GALNT13: variants seen among roughly 807,000 people sequenced by gnomAD.
The protein encoded by GALNT13 is UDP-GalNAc:polypeptide N-acetylgalactosaminyltransferase 13.
In GALNT13, 28 loss-of-function variants were observed where a neutral mutation model predicts 64.2. The ratio of observed to expected loss-of-function variants is 0.44; its 90% CI spans 0.32 to 0.60. The LOEUF is 0.60. Ranked by LOEUF, GALNT13 falls within the 20% of genes least tolerant of loss-of-function variation. The pLI is 0.05. For missense variants in GALNT13, 577 were observed against 669.8 expected, an observed-to-expected ratio of 0.86 and a Z score of 1.53; for synonymous variants, 214 against 224.6, an observed-to-expected ratio of 0.95 and a Z score of 0.42.
At chr2:153,637,442 A>G in the GALNT13 span, among the ~76,000 whole-genome samples, 1 of 151,906 alleles carries the variant, frequency 6.6e-6, no homozygotes, top group Admixed American at 6.6e-5. Flanking sequence ...GTTATTCTTC[A>G]TCTACATTTT....
chr2:154,289,915 C>A (rs527824125), intron 8 of GALNT13, among the ~76,000 whole-genome samples: 13 of 152,208 alleles, frequency 8.5e-5, no homozygotes, highest in Non-Finnish European at 1.3e-4. Context: ...TCAGAATGCT[C>A]ACTTTGAGTC....
chr2:153,871,247 A>G (rs538575032), upstream of GALNT13, among the ~76,000 whole-genome samples: 1 of 152,124 alleles, frequency 6.6e-6, no homozygotes, highest in Non-Finnish European at 1.5e-5. Context: ...TTTTTTCTTT[A>G]CCTCTTCATA....
At chr2:153,844,610 T>G in the GALNT13 span, among the ~76,000 whole-genome samples, 1 of 152,220 alleles carries the variant, frequency 6.6e-6, no homozygotes, top group Non-Finnish European at 1.5e-5. Flanking sequence ...AACAAGTGGT[T>G]GCTTTATAGC....
intron 2 of GALNT13, among the ~76,000 whole-genome samples, chr2:153,908,982 G>T (rs145029640): frequency 1.4e-3 from 218 of 152,094 alleles, no homozygotes; most frequent in African/African-American, 4.8e-3. Context: ...ATTGCTTTGG[G>T]CAGTATGGCC....
rs67387315 is a variant in GALNT13 at position 154,269,906 on chromosome 2, G to GTATATATATATATATATATATATA, written c.975+10787_975+10788insATATATATATATATATATATATAT. On this transcript the variant is annotated intron_variant, in intron 8 of 12. Coordinates refer to ENST00000392825, the MANE Select transcript of GALNT13 (RefSeq NM_052917.4). ...GTCATATATATATTTATATATATGTGTATATATATATATATATATTTCTAA... is the reference window on the plus strand; with the variant it reads ...GTCATATATATATTTATATATATGTGTATATATATATATATATATATATATATATATATATATATATATTTCTAA... Among the ~76,000 whole-genome samples the GTATATATATATATATATATATATA allele has an allele frequency of 5.9e-3, 575 of 96,696 alleles. 34 individuals are homozygous for GTATATATATATATATATATATATA. Among genetic ancestry groups the GTATATATATATATATATATATATA allele is most frequent in the East Asian group, 0.021 (43 of 2,094 alleles). The allele number at this position is 96,696 out of a possible 152,430, so 63.4% of individuals were successfully genotyped here.
chr2:153,253,862 C>CAT, the GALNT13 span, among the ~76,000 whole-genome samples: 2 of 152,054 alleles, frequency 1.3e-5, no homozygotes, highest in Non-Finnish European at 2.9e-5. Flanking sequence ...CTGCTGGATT[C>CAT]GGTTTGCCAG....
At chr2:153,522,641 T>C in the GALNT13 span, among the ~76,000 whole-genome samples, 1 of 152,196 alleles carries the variant, frequency 6.6e-6, no homozygotes, top group African/African-American at 2.4e-5. Context: ...CAGGTACTTA[T>C]TTTCCATGTG....
the GALNT13 span, among the ~76,000 whole-genome samples, chr2:153,358,950 A>G: frequency 3.0e-3 from 454 of 152,316 alleles, 17 homozygotes; most frequent in East Asian, 0.08. Flanking sequence ...ATACAAAAAA[A>G]TATTTTGGAT....
chr2:153,247,051 G>A, the GALNT13 span, among the ~76,000 whole-genome samples: 3 of 151,856 alleles, frequency 2.0e-5, no homozygotes, highest in Non-Finnish European at 4.4e-5. Flanking sequence ...AATAAAAAAA[G>A]CATTACATAA....
At chr2:153,401,132 T>C in the GALNT13 span, among the ~76,000 whole-genome samples, 1 of 152,206 alleles carries the variant, frequency 6.6e-6, no homozygotes, top group Non-Finnish European at 1.5e-5. Context: ...TGTGTCTTTG[T>C]TCTCATTGGT....
the GALNT13 span, among the ~76,000 whole-genome samples, chr2:153,285,556 G>A: frequency 2.0e-5 from 3 of 152,040 alleles, no homozygotes; most frequent in Admixed American, 6.5e-5. Flanking sequence ...ATATTTACAC[G>A]ACAATATGTA....
At chr2:153,949,995 T>C (rs1338776719) in intron 3 of GALNT13, among the ~76,000 whole-genome samples, 3 of 152,004 alleles carry the variant, frequency 2.0e-5, no homozygotes, top group Non-Finnish European at 4.4e-5. Flanking sequence ...ATTTAAACTT[T>C]AGCAGAAAAA....
At chr2:154,424,333 A>G (rs1055471783) in intron 11 of GALNT13, among the ~76,000 whole-genome samples, 2 of 152,198 alleles carry the variant, frequency 1.3e-5, no homozygotes, top group African/African-American at 4.8e-5. Flanking sequence ...GACTTTGTAG[A>G]ACTTCTTTAA....
At chr2:154,446,129 A>G (rs1275381651) in intron 12 of GALNT13, among the ~76,000 whole-genome samples, 3 of 152,030 alleles carry the variant, frequency 2.0e-5, no homozygotes, top group Non-Finnish European at 4.4e-5. Context: ...AAGCTAAATT[A>G]TCCTCTGAAT....
intron 3 of GALNT13, among the ~76,000 whole-genome samples, chr2:154,031,769 A>G (rs1698354114): frequency 6.6e-6 from 1 of 151,994 alleles, no homozygotes; most frequent in South Asian, 2.1e-4. Context: ...TAAGGTGAAA[A>G]TGAATAGACT....
chr2:153,870,028 CTAA>C (rs975339877), upstream of GALNT13, among the ~76,000 whole-genome samples: 28 of 152,030 alleles, frequency 1.8e-4, no homozygotes, highest in Admixed American at 1.8e-3. Flanking sequence ...ACCCTCAAGA[CTAA>C]TAAGTATGCC....
At chr2:154,123,307 T>C (rs895006248) in intron 3 of GALNT13, among the ~76,000 whole-genome samples, 6 of 151,964 alleles carry the variant, frequency 3.9e-5, no homozygotes, top group African/African-American at 1.2e-4. Flanking sequence ...GGACATAGTG[T>C]GTATTTCTAT....
At chr2:154,236,470 C>A (rs2348922) in intron 4 of GALNT13, among the ~76,000 whole-genome samples, 28,774 of 151,830 alleles carry the variant, frequency 0.19, 3,549 homozygotes, top group Admixed American at 0.31. Context: ...TTCCAATGTC[C>A]AGCCAAGATT....
At chr2:153,381,510 T>A in the GALNT13 span, among the ~76,000 whole-genome samples, 15,541 of 151,904 alleles carry the variant, frequency 0.1, 923 homozygotes, top group African/African-American at 0.15. Flanking sequence ...ATGGATATGT[T>A]GCCTGCAGAT....
Sources: gnomAD v4.1 joint callset for allele counts (sites outside exome capture counted in the v4.1 genomes callset) on GRCh38, gnomAD v4.1.1 for gene constraint, MANE v1.5 for transcripts, NCBI Gene and HGNC (gene_info 2026-07-23, HGNC 2026-07-21) for gene names.